Variants in GLI3 observed in about 807,000 individuals in gnomAD.
The protein encoded by GLI3 is GLI family zinc finger 3.
GLI3 carries 20 observed loss-of-function variants against 100.8 expected under a neutral mutation model. The observed-to-expected ratio is 0.20, with a 90% CI of 0.14 to 0.29. The LOEUF is 0.29. GLI3 is among the 10% of genes least tolerant of loss of function. GLI3 has a pLI of 1.00. For missense variants in GLI3, 2,040 were observed against 2,128.5 expected (o/e 0.96, Z 0.82); for synonymous variants, 938 against 860.5 (o/e 1.09, Z -1.58).
intron 3 of GLI3, among the ~76,000 whole-genome samples, chr7:42,084,482 C>T (rs571397280): frequency 1.3e-5 from 2 of 152,226 alleles, no homozygotes; most frequent in Non-Finnish European, 2.9e-5. Context: ...ACCACATCTA[C>T]GTACTGGCTG....
At chr7:42,128,443 T>G (rs1025335410) in intron 3 of GLI3, among the ~76,000 whole-genome samples, 4 of 152,240 alleles carry the variant, frequency 2.6e-5, no homozygotes, top group African/African-American at 9.6e-5. Flanking sequence ...CAAAAGACTT[T>G]TTGGCTTTTG....
chr7:41,965,262 C>A lies in GLI3; in HGVS notation c.3811G>T (p.Ala1271Ser). The A allele has an allele frequency of 6.2e-7, 1 of 1,613,668 alleles. No individual in the cohort carries two copies. Residue 1271 changes from alanine to serine, a missense_variant, in exon 15 of 15, where the codon GCC becomes TCC. Coordinates refer to ENST00000395925, the MANE Select transcript of GLI3 (RefSeq NM_000168.6). ...GAGGCTTGAATCCCGGCACCACAGG[C>A]ACCGTCGAGTGCACCAGGGGCCACT... is the stretch of plus-strand genomic sequence containing the variant. ...QPVAPGALDG[A>S]CGAGIQASKL...
intron 2 of GLI3, among the ~76,000 whole-genome samples, chr7:42,217,642 C>T (rs1400978994): frequency 6.6e-6 from 1 of 152,192 alleles, no homozygotes. Context: ...AAGGCATTTA[C>T]AAGGAAGTTT....
chr7:42,090,228 G>A (rs973236041), intron 3 of GLI3, among the ~76,000 whole-genome samples: 1 of 152,198 alleles, frequency 6.6e-6, no homozygotes, highest in African/African-American at 2.4e-5. Flanking sequence ...AGTGAGTGGT[G>A]AATGAATGTG....
At chr7:42,131,638 C>T (rs1786279232) in intron 3 of GLI3, among the ~76,000 whole-genome samples, 1 of 152,024 alleles carries the variant, frequency 6.6e-6, no homozygotes, top group Non-Finnish European at 1.5e-5. Context: ...AGTAAGACCC[C>T]ACAAACATAT....
chr7:42,155,568 A>T (rs985483048), intron 2 of GLI3, among the ~76,000 whole-genome samples: 1 of 152,150 alleles, frequency 6.6e-6, no homozygotes, highest in South Asian at 2.1e-4. Context: ...CAATATCCCA[A>T]TGGCTTCCAC....
At chr7:42,189,595 T>C (rs1291711333) in intron 2 of GLI3, among the ~76,000 whole-genome samples, 2 of 152,202 alleles carry the variant, frequency 1.3e-5, no homozygotes, top group Non-Finnish European at 2.9e-5. Flanking sequence ...CTCTAACATG[T>C]ATCTTCAAGC....
intron 7 of GLI3, among the ~76,000 whole-genome samples, chr7:42,027,038 T>C (rs1226558824): frequency 2.0e-5 from 3 of 152,242 alleles, no homozygotes; most frequent in African/African-American, 7.2e-5. Flanking sequence ...GATGGAGGAA[T>C]ATTCCAGTGG....
chr7:42,115,323 A>G (rs1448821856), intron 3 of GLI3, among the ~76,000 whole-genome samples: 1 of 151,894 alleles, frequency 6.6e-6, no homozygotes, highest in Non-Finnish European at 1.5e-5. Flanking sequence ...TATTTTTAGT[A>G]GAGACAGGGT....
chr7:42,180,731 T>C (rs1787575069), intron 2 of GLI3, among the ~76,000 whole-genome samples: 1 of 152,162 alleles, frequency 6.6e-6, no homozygotes, highest in Non-Finnish European at 1.5e-5. Flanking sequence ...AAGATTTCCT[T>C]AGTGAAAGTA....
chr7:42,187,577 C>T (rs1787742262), intron 2 of GLI3, among the ~76,000 whole-genome samples: 1 of 151,938 alleles, frequency 6.6e-6, no homozygotes, highest in South Asian at 2.1e-4. Context: ...TAGTGTCCTC[C>T]CCAAAATTCA....
intron 1 of GLI3, among the ~76,000 whole-genome samples, chr7:42,225,293 T>A (rs896285720): frequency 1.3e-5 from 2 of 152,174 alleles, no homozygotes; most frequent in African/African-American, 4.8e-5. Flanking sequence ...GGAACCTCAA[T>A]GTTAGCAAGC....
intron 1 of GLI3, among the ~76,000 whole-genome samples, chr7:42,230,367 T>C (rs968236774): frequency 6.6e-6 from 1 of 152,220 alleles, no homozygotes; most frequent in African/African-American, 2.4e-5. Flanking sequence ...ATAAGCAGTA[T>C]TCATGACAGA....
At chr7:41,968,755 A>AG (rs1787285025) in intron 13 of GLI3, among the ~76,000 whole-genome samples, 1 of 101,824 alleles carries the variant, frequency 9.8e-6, no homozygotes, top group Non-Finnish European at 2.0e-5. Flanking sequence ...AAAGAAAGAA[A>AG]GAAAGAAGGA....
chr7:42,134,907 C>T (rs1298237985), intron 3 of GLI3, among the ~76,000 whole-genome samples: 1 of 151,884 alleles, frequency 6.6e-6, no homozygotes, highest in Non-Finnish European at 1.5e-5. Flanking sequence ...AACGCAGCAT[C>T]GGCATATGTG....
intron 1 of GLI3, among the ~76,000 whole-genome samples, chr7:42,245,054 C>T (rs1256557659): frequency 6.6e-6 from 1 of 152,206 alleles, no homozygotes; most frequent in Non-Finnish European, 1.5e-5. Flanking sequence ...ATCATAAACT[C>T]AGCTCCAGCT....
At chr7:42,103,403 G>A (rs1233822074) in intron 3 of GLI3, among the ~76,000 whole-genome samples, 2 of 151,798 alleles carry the variant, frequency 1.3e-5, no homozygotes, top group Admixed American at 1.3e-4. Context: ...ATAAATAGCT[G>A]AACTTTTTAT....
intron 4 of GLI3, among the ~76,000 whole-genome samples, chr7:42,073,901 G>A (rs1784830352): frequency 6.6e-6 from 1 of 152,202 alleles, no homozygotes; most frequent in African/African-American, 2.4e-5. Flanking sequence ...AGTTTTGGAT[G>A]AAGTGATTTT....
intron 3 of GLI3, among the ~76,000 whole-genome samples, chr7:42,100,594 T>A (rs78927622): frequency 4.1e-5 from 6 of 145,732 alleles, no homozygotes; most frequent in Non-Finnish European, 9.0e-5. Context: ...AAAAAAAAAA[T>A]AGCCAGGTGT....
Sources: gnomAD v4.1 joint callset for allele counts (sites outside exome capture counted in the v4.1 genomes callset) on GRCh38, gnomAD v4.1.1 for gene constraint, MANE v1.5 for transcripts, NCBI Gene and HGNC (gene_info 2026-07-23, HGNC 2026-07-21) for gene names.